VWA8: variants seen among roughly 807,000 people sequenced by gnomAD.
The protein encoded by VWA8 is von Willebrand factor A domain containing 8.
VWA8 carries 221 observed loss-of-function variants against 241.5 expected under a neutral mutation model. The ratio of observed to expected loss-of-function variants is 0.91; its 90% CI spans 0.82 to 1.02. The LOEUF (loss-of-function observed/expected upper bound fraction) is 1.02. Ranked by LOEUF, VWA8 falls within the 50% of genes least tolerant of loss-of-function variation. VWA8 has a pLI of 0.00. For synonymous variants in VWA8, 852 were observed against 827.1 expected (o/e 1.03, Z -0.52); for missense variants, 2,322 against 2,328.7 (o/e 1.00, Z 0.06).
At chr13:41,782,248 G>T (rs1320339403) in intron 19 of VWA8, among the ~76,000 whole-genome samples, 1 of 152,122 alleles carries the variant, frequency 6.6e-6, no homozygotes, top group East Asian at 1.9e-4. Context: ...TGTGTTCAAG[G>T]GCACAATGGT....
chr13:41,650,257 T>C (rs946774999), intron 37 of VWA8, among the ~76,000 whole-genome samples: 1 of 152,212 alleles, frequency 6.6e-6, no homozygotes, highest in Non-Finnish European at 1.5e-5. Context: ...ACAACAATCC[T>C]GTGAGGTAGC....
intron 10 of VWA8, among the ~76,000 whole-genome samples, chr13:41,867,596 G>A (rs1451454312): frequency 1.3e-5 from 2 of 152,116 alleles, no homozygotes; most frequent in African/African-American, 4.8e-5. Context: ...GACAAATACA[G>A]TAAATAGTAC....
At chr13:41,784,737 CATATATAT>C (rs772223346) in intron 18 of VWA8, among the ~76,000 whole-genome samples, 2 of 72,562 alleles carry the variant, frequency 2.8e-5, no homozygotes, top group African/African-American at 4.5e-5. Flanking sequence ...TATACACACA[CATATATAT>C]ATATATATAT....
At chr13:41,750,244 C>T (rs1342188053) in intron 21 of VWA8, among the ~76,000 whole-genome samples, 3 of 151,834 alleles carry the variant, frequency 2.0e-5, no homozygotes, top group African/African-American at 7.3e-5. Flanking sequence ...ACCATCCTGG[C>T]CAACATGGTG....
At chr13:41,953,757 C>T (rs1878237065) in intron 1 of VWA8, among the ~76,000 whole-genome samples, 1 of 152,074 alleles carries the variant, frequency 6.6e-6, no homozygotes, top group South Asian at 2.1e-4. Flanking sequence ...TGCAGTGAGC[C>T]GAGATAGCGC....
At chr13:41,763,394 G>C (rs1306794743) in intron 20 of VWA8, among the ~76,000 whole-genome samples, 1 of 152,140 alleles carries the variant, frequency 6.6e-6, no homozygotes, top group African/African-American at 2.4e-5. Flanking sequence ...GCCTACAAAA[G>C]ATTTAAGGTT....
intron 37 of VWA8, among the ~76,000 whole-genome samples, chr13:41,616,914 A>C (rs1041603184): frequency 2.0e-5 from 3 of 152,192 alleles, no homozygotes; most frequent in Admixed American, 6.5e-5. Context: ...ATGAGAAATG[A>C]GAAGGACAAA....
chr13:41,658,332 CAT>C (rs371141034), intron 37 of VWA8, among the ~76,000 whole-genome samples: 297 of 152,354 alleles, frequency 1.9e-3, no homozygotes, highest in African/African-American at 6.2e-3. Context: ...TTTCTAAAAA[CAT>C]AGTTTATTTG....
intron 12 of VWA8, 75 bp from the exon 13 acceptor site, chr13:41,833,606 CT>C: frequency 7.0e-7 from 1 of 1,426,134 alleles, no homozygotes; most frequent in East Asian, 2.5e-5. Context: ...GCTTACATGG[CT>C]TTATAGAGTC....
rs548538865 is a variant in VWA8, at chr13:41,760,280, T to G, written c.2426+848A>C. 3.3e-5 allele frequency among the ~76,000 whole-genome samples: 5 copies of G among 151,814 alleles called. No individual in the cohort carries two copies. In the East Asian group the frequency reaches 9.7e-4, roughly 29 times the overall value. ...AGAGGTATAAATCCCAAAAGGCAGT[T>G]TTTCACCATATCTCAGCTTTCCCTG... On this transcript the variant is annotated intron_variant, in intron 21 of 44. Transcript: ENST00000379310.
chr13:41,605,515 T>C (rs1209716864), intron 39 of VWA8, among the ~76,000 whole-genome samples: 1 of 152,124 alleles, frequency 6.6e-6, no homozygotes, highest in African/African-American at 2.4e-5. Flanking sequence ...AGATTTGTAG[T>C]GTTTGCTGAT....
intron 34 of VWA8, among the ~76,000 whole-genome samples, chr13:41,687,607 T>C (rs897706372): frequency 6.6e-6 from 1 of 152,162 alleles, no homozygotes; most frequent in African/African-American, 2.4e-5. Flanking sequence ...GCCTAGGGGA[T>C]ATAAGCTCTG....
intron 20 of VWA8, among the ~76,000 whole-genome samples, chr13:41,775,045 A>T (rs2137925563): frequency 6.6e-6 from 1 of 152,354 alleles, no homozygotes; most frequent in African/African-American, 2.4e-5. Context: ...ACTGATAAGA[A>T]GGTATGTTTG....
intron 34 of VWA8, among the ~76,000 whole-genome samples, chr13:41,687,238 G>A (rs547341097): frequency 1.3e-3 from 202 of 152,118 alleles, no homozygotes; most frequent in African/African-American, 4.4e-3. Context: ...TATATATCAT[G>A]TCTAAGACAC....
At chr13:41,854,072 T>A (rs115323887) in intron 12 of VWA8, among the ~76,000 whole-genome samples, 88 of 152,302 alleles carry the variant, frequency 5.8e-4, no homozygotes, top group African/African-American at 2.1e-3. Context: ...TGTACATATA[T>A]GTGCACTTGT....
At chr13:41,895,997 C>G (rs1875089076) in intron 4 of VWA8, among the ~76,000 whole-genome samples, 1 of 151,644 alleles carries the variant, frequency 6.6e-6, no homozygotes, top group African/African-American at 2.4e-5. Flanking sequence ...AGACAAATTG[C>G]CAGGAAAATT....
chr13:41,668,748 A>G (rs2045003193), intron 37 of VWA8, among the ~76,000 whole-genome samples: 1 of 152,198 alleles, frequency 6.6e-6, no homozygotes, highest in Non-Finnish European at 1.5e-5. Flanking sequence ...GATTATTAAG[A>G]CAATTAGTCT....
Position 41,570,632 on chromosome 13 carries a change from T to C in VWA8, c.5445A>G (p.Glu1815=). 1 of 1,614,264 alleles carries C rather than the reference T, an allele frequency of 6.2e-7. No homozygotes were observed. The highest frequency in any genetic ancestry group is 8.5e-7 in the Non-Finnish European group (1 of 1,180,054). The stretch of plus-strand genomic sequence containing the variant: ...ACTCATCAGCTTCTTCTTTGACAAT[T>C]TCCTTGATGGCATGTTCTGTCCCTT... ...TLEGTEHAIK[E]IVKEEADEYF... is the part of the protein sequence containing the mutation. Residue 1815 remains glutamate (E), a synonymous_variant, in exon 44 of 45, where the codon GAA becomes GAG. Transcript: ENST00000379310.
In VWA8 at chr13:41,960,927, A is replaced by ACCACCTGCCG; in HGVS notation, c.79_88dup (p.Val30AlafsTer30). On this transcript the variant is annotated frameshift_variant, in exon 1 of 45. Coordinates refer to ENST00000379310, the MANE Select transcript of VWA8 (RefSeq NM_015058.2). LOFTEE classifies it high-confidence loss of function. Reference sequence around the variant, plus strand: ...CCTGTCGCCACCCGGCCTGCGCTGCACCACCTGCCGCAGGAGCAGCCGCAT... The same window carrying ACCACCTGCCG: ...CCTGTCGCCACCCGGCCTGCGCTGCACCACCTGCCGCCACCTGCCGCAGGAGCAGCCGCAT... The ACCACCTGCCG allele has an allele frequency of 8.0e-6, 12 of 1,493,664 alleles. No homozygotes were observed. The highest frequency in any genetic ancestry group is 1.1e-5 in the Non-Finnish European group (12 of 1,129,158). The allele number at this position is 1,493,664 out of a possible 1,614,324, so 92.5% of individuals were successfully genotyped here. A position where few individuals can be genotyped will look rare whatever the true frequency, so the allele number is the denominator to read the frequency against.
Sources: allele counts gnomAD v4.1 joint callset (sites outside exome capture counted in the v4.1 genomes callset), GRCh38; gene constraint gnomAD v4.1.1; transcripts MANE v1.5; gene names NCBI Gene and HGNC (gene_info 2026-07-23, HGNC 2026-07-21).